NELL2: variants seen among roughly 807,000 people sequenced by gnomAD.
NELL2 encodes the protein protein kinase C-binding protein NELL2.
Under a neutral mutation model 109.6 loss-of-function variants are expected in NELL2, and 41 were observed. The ratio of observed to expected loss-of-function variants is 0.37; its 90% CI spans 0.29 to 0.49. The LOEUF (loss-of-function observed/expected upper bound fraction) is 0.49. Among genes scored for constraint, NELL2 ranks in the 20% least tolerant of loss-of-function variants. NELL2 has a pLI of 0.98. For missense variants in NELL2, 900 were observed against 1,008.3 expected (o/e 0.89, Z 1.45); for synonymous variants, 355 against 344.7 (o/e 1.03, Z -0.33).
intron 15 of NELL2, among the ~76,000 whole-genome samples, chr12:44,541,041 C>T (rs967693747): frequency 6.6e-6 from 1 of 151,090 alleles, no homozygotes; most frequent in South Asian, 2.1e-4. Context: ...GTCAGGAGAT[C>T]GAGACCATCC....
Position 44,508,761 on chromosome 12 carries a change from T to C in NELL2, c.*173A>G. On this transcript the variant is annotated 3_prime_UTR_variant, in exon 20 of 20. Coordinates refer to ENST00000429094, the MANE Select transcript of NELL2 (RefSeq NM_001145108.2). ...GAGGTCTAATTTTGCCCCAGTAATT[T>C]TCCTTTTGTGATTTTGTCAAGCTCC... 2 of 622,146 alleles carry C rather than the reference T, an allele frequency of 3.2e-6. No individual in the cohort carries two copies. Among genetic ancestry groups the C allele is most frequent in the Non-Finnish European group, 5.7e-6 (2 of 348,910 alleles). The allele number at this position is 622,146 out of a possible 1,614,324, so 38.5% of individuals were successfully genotyped here.
At chr12:44,799,391 C>T (rs1566424169) in intron 3 of NELL2, among the ~76,000 whole-genome samples, 1 of 152,080 alleles carries the variant, frequency 6.6e-6, no homozygotes, top group East Asian at 1.9e-4. Flanking sequence ...CAGCTGCAAA[C>T]CGGTTCTGCC....
At chr12:44,771,338 G>GTT (rs1555214136) in intron 9 of NELL2, among the ~76,000 whole-genome samples, 3,069 of 133,862 alleles carry the variant, frequency 0.023, 105 homozygotes, top group African/African-American at 0.076. Flanking sequence ...TATAACAGAT[G>GTT]GTTTTTTTAA....
intron 13 of NELL2, among the ~76,000 whole-genome samples, chr12:44,616,687 A>T (rs1416966323): frequency 6.6e-6 from 1 of 152,164 alleles, no homozygotes; most frequent in Non-Finnish European, 1.5e-5. Flanking sequence ...TGTAGACTAG[A>T]TTGCTTAAGA....
intron 9 of NELL2, among the ~76,000 whole-genome samples, chr12:44,754,514 C>T (rs1041669378): frequency 1.3e-5 from 2 of 152,152 alleles, no homozygotes; most frequent in African/African-American, 4.8e-5. Context: ...ATTTCAACTG[C>T]CATCATCCTA....
intron 2 of NELL2, among the ~76,000 whole-genome samples, chr12:44,821,329 C>T (rs1035555850): frequency 6.6e-6 from 1 of 152,212 alleles, no homozygotes; most frequent in East Asian, 1.9e-4. Context: ...GTATTCTTTC[C>T]ACTAAATTGT....
Position 44,815,764 on chromosome 12 carries a change from G to A in NELL2, c.335+222C>T, listed in dbSNP as rs184356124. On this transcript the variant is annotated intron_variant, in intron 3 of 19. Coordinates refer to ENST00000429094, the MANE Select transcript of NELL2 (RefSeq NM_001145108.2). ...CACTCGAGTAGCTGGGACTACAGGC[G>A]CGCGCCACCAAGCCCAGCTAATTTT... 218 of 352,234 alleles carry A rather than the reference G, an allele frequency of 6.2e-4. 2 individuals carry two copies. Among genetic ancestry groups the A allele is most frequent in the African/African-American group, 5.3e-3 (205 of 39,018 alleles). The allele number at this position is 352,234 out of a possible 1,614,324, so 21.8% of individuals were successfully genotyped here.
intron 13 of NELL2, among the ~76,000 whole-genome samples, chr12:44,644,536 G>A (rs537920124): frequency 7.1e-6 from 1 of 141,420 alleles, no homozygotes; most frequent in Non-Finnish European, 1.5e-5. Flanking sequence ...ATCTTCTGAA[G>A]GACCTAATAA....
At chr12:44,613,964 T>C (rs552942684) in intron 13 of NELL2, among the ~76,000 whole-genome samples, 22 of 152,144 alleles carry the variant, frequency 1.4e-4, no homozygotes, top group African/African-American at 4.8e-4. Flanking sequence ...TAAAATTAAA[T>C]AGAATAAGGA....
chr12:44,563,882 A>G (rs1484275507), intron 15 of NELL2, among the ~76,000 whole-genome samples: 1 of 152,212 alleles, frequency 6.6e-6, no homozygotes, highest in Non-Finnish European at 1.5e-5. Context: ...TCTGGTCCCT[A>G]AAATTCTATG....
Position 44,703,952 on chromosome 12 carries a change from CTAAA to C in NELL2, c.1190-102_1190-99del, listed in dbSNP as rs1592366487. ...TCTTTAATTTTGAAGCTATGACTCC[CTAAA>C]TAATTTTTTAATTAGTATCTTCATC... On this transcript the variant is annotated intron_variant, in intron 11 of 19. Transcript: ENST00000429094. 6.7e-6 allele frequency: 7 copies of C among 1,047,078 alleles called. No homozygotes were observed. The East Asian group carries it at 8.1e-5, about 12-fold the overall frequency. The allele number at this position is 1,047,078 out of a possible 1,614,324, so 64.9% of individuals were successfully genotyped here.
chr12:44,550,517 C>T (rs2136164747), intron 15 of NELL2, among the ~76,000 whole-genome samples: 1 of 149,420 alleles, frequency 6.7e-6, no homozygotes, highest in South Asian at 2.1e-4. Flanking sequence ...GCACTCCAGC[C>T]TGGGCAACAG....
At chr12:44,840,251 T>A (rs1002914293) in intron 2 of NELL2, among the ~76,000 whole-genome samples, 1 of 152,194 alleles carries the variant, frequency 6.6e-6, no homozygotes, top group Non-Finnish European at 1.5e-5. Flanking sequence ...CCTCAGAGTG[T>A]CAGTATATTG....
At chr12:44,553,119 T>G (rs1592107904) in intron 15 of NELL2, among the ~76,000 whole-genome samples, 2 of 56,722 alleles carry the variant, frequency 3.5e-5, no homozygotes, top group Admixed American at 2.9e-4. Flanking sequence ...GGGACTGTGG[T>G]GGGGTCGGGG....
chr12:44,696,544 A>G (rs561388336), intron 12 of NELL2, among the ~76,000 whole-genome samples: 20 of 152,256 alleles, frequency 1.3e-4, no homozygotes, highest in Non-Finnish European at 2.6e-4. Flanking sequence ...TAAATAATGA[A>G]TGTTATGAAT....
intron 2 of NELL2, among the ~76,000 whole-genome samples, chr12:44,836,908 T>C (rs1248870014): frequency 6.6e-6 from 1 of 152,116 alleles, no homozygotes; most frequent in African/African-American, 2.4e-5. Context: ...GAGGCGGGCA[T>C]AGAGAGCATG....
chr12:44,736,122 T>C (rs1251926481), intron 9 of NELL2, among the ~76,000 whole-genome samples: 2 of 149,210 alleles, frequency 1.3e-5, no homozygotes, highest in South Asian at 4.3e-4. Context: ...GCCATTCTCC[T>C]GCCTCAGCCT....
rs766391845 is a variant in NELL2, at chr12:44,508,883, T to C, written c.*51A>G. On this transcript the variant is annotated 3_prime_UTR_variant, in exon 20 of 20. Coordinates refer to ENST00000429094, the MANE Select transcript of NELL2 (RefSeq NM_001145108.2). The stretch of plus-strand genomic sequence containing the variant: ...TTAAGTTTTAACTTCTTTTTGGTCT[T>C]TTAATGAAAGAACATTCTTTTAACA... 8.4e-5 allele frequency: 128 copies of C among 1,527,816 alleles called. No individual in the cohort carries two copies. Among genetic ancestry groups the C allele is most frequent in the Admixed American group, 5.8e-4 (32 of 54,824 alleles). 94.6% of individuals were successfully genotyped at this position (1,527,816 alleles called of 1,614,324 possible). A position where few individuals can be genotyped will look rare whatever the true frequency, so the allele number is the denominator to read the frequency against.
intron 13 of NELL2, among the ~76,000 whole-genome samples, chr12:44,645,093 C>T (rs1336995348): frequency 3.3e-5 from 5 of 151,666 alleles, no homozygotes; most frequent in East Asian, 1.9e-4. Flanking sequence ...AGAAAATTCA[C>T]GAAGAAAAAA....
Sources: gnomAD v4.1 joint callset for allele counts (sites outside exome capture counted in the v4.1 genomes callset) on GRCh38, gnomAD v4.1.1 for gene constraint, MANE v1.5 for transcripts, NCBI Gene and HGNC (gene_info 2026-07-23, HGNC 2026-07-21) for gene names.